Variants in ELP4 observed in about 807,000 individuals in gnomAD.
ELP4 encodes the protein elongator acetyltransferase complex subunit 4.
ELP4 carries 51 observed loss-of-function variants against 48.9 expected under a neutral mutation model. The ratio of observed to expected loss-of-function variants is 1.04; its 90% confidence interval spans 0.83 to 1.32. The LOEUF (loss-of-function observed/expected upper bound fraction) is 1.32, where lower values mean the gene tolerates loss of function less well. Ranked by LOEUF, ELP4 falls within the 40% of genes most tolerant of loss-of-function variation. The pLI is 0.00. For missense variants in ELP4, 519 were observed against 514.6 expected (o/e 1.01, Z -0.08); for synonymous variants, 210 against 189.2 (o/e 1.11, Z -0.90).
chr11:31,593,541 C>T (rs1251994506), intron 3 of ELP4, among the ~76,000 whole-genome samples: 2 of 152,122 alleles, frequency 1.3e-5, no homozygotes, highest in African/African-American at 4.8e-5. Flanking sequence ...ACACTGCACG[C>T]AGCCTGAAGT....
chr11:31,666,426 G>A (rs999157794), intron 9 of ELP4, among the ~76,000 whole-genome samples: 2 of 152,048 alleles, frequency 1.3e-5, no homozygotes, highest in Admixed American at 6.5e-5. Context: ...GGGTGCAGTC[G>A]CTCACGCCTG....
intron 9 of ELP4, among the ~76,000 whole-genome samples, chr11:31,758,735 C>A (rs993998085): frequency 6.7e-6 from 1 of 149,562 alleles, no homozygotes; most frequent in African/African-American, 2.5e-5. Context: ...GGTGCAGTCA[C>A]AGCTCACAGC....
intron 9 of ELP4, among the ~76,000 whole-genome samples, chr11:31,725,297 G>A (rs1328598473): frequency 6.6e-6 from 1 of 152,146 alleles, no homozygotes; most frequent in African/African-American, 2.4e-5. Flanking sequence ...GCCTCTTGCT[G>A]ATGGATTCCC....
In ELP4 at chr11:31,789,912, C is replaced by CTTTTTTTT. The variant is rs759391101; in HGVS notation, c.*6404_*6411dup. 169 of 1,046,390 alleles carry CTTTTTTTT rather than the reference C, an allele frequency of 1.6e-4. No individual in the cohort carries two copies. Among genetic ancestry groups the CTTTTTTTT allele is most frequent in the East Asian group, 5.4e-4 (21 of 38,832 alleles). 64.8% of individuals were successfully genotyped at this position (1,046,390 alleles called of 1,614,324 possible). On this transcript the variant is annotated 3_prime_UTR_variant, in exon 10 of 10. Coordinates refer to ENST00000640961, the MANE Select transcript of ELP4 (RefSeq NM_019040.5). ...CTGAATTAACACAATATTTCCTTTC[C>CTTTTTTTT]TTTTTTTTTTTTTTTTTTTTTTTAC...
intron 3 of ELP4, among the ~76,000 whole-genome samples, chr11:31,572,199 A>G (rs1475043711): frequency 6.6e-6 from 1 of 152,212 alleles, no homozygotes; most frequent in Non-Finnish European, 1.5e-5. Flanking sequence ...TGCAGTTTCA[A>G]CTTCAAGAAT....
chr11:31,571,581 T>G (rs1198319215), intron 3 of ELP4, among the ~76,000 whole-genome samples: 1 of 152,240 alleles, frequency 6.6e-6, no homozygotes, highest in East Asian at 1.9e-4. Flanking sequence ...GTTTTCAATT[T>G]ACTTTGCCCA....
intron 9 of ELP4, among the ~76,000 whole-genome samples, chr11:31,762,870 A>G (rs916579733): frequency 1.1e-4 from 16 of 151,738 alleles, no homozygotes; most frequent in Non-Finnish European, 2.1e-4. Context: ...TCAGTGTGCA[A>G]TATAATATAA....
chr11:31,687,670 A>G (rs1468403293), intron 9 of ELP4: 2 of 152,202 alleles, frequency 1.3e-5, no homozygotes, highest in African/African-American at 2.4e-5. Context: ...GATTCTTGAG[A>G]ATGAAAGAAA....
chr11:31,614,614 G>C (rs1220343636), intron 5 of ELP4, among the ~76,000 whole-genome samples: 1 of 152,184 alleles, frequency 6.6e-6, no homozygotes, highest in Non-Finnish European at 1.5e-5. Flanking sequence ...TTTTACAGTG[G>C]AGAAGACTAG....
At chr11:31,542,796 A>G (rs1956613779) in intron 3 of ELP4, among the ~76,000 whole-genome samples, 1 of 152,200 alleles carries the variant, frequency 6.6e-6, no homozygotes, top group African/African-American at 2.4e-5. Context: ...AAGAAATAAG[A>G]AAGTACAATT....
chr11:31,748,450 G>C (rs1947646977), intron 9 of ELP4, among the ~76,000 whole-genome samples: 2 of 152,026 alleles, frequency 1.3e-5, no homozygotes, highest in South Asian at 2.1e-4. Context: ...TCACCATGTT[G>C]ACCAGGCTGG....
intron 3 of ELP4, among the ~76,000 whole-genome samples, chr11:31,570,790 CT>C (rs1183889559): frequency 0.012 from 1,037 of 86,082 alleles, no homozygotes; most frequent in South Asian, 0.016. Context: ...ACTGTAAACT[CT>C]TTTTTTTTTT....
At chr11:31,527,595 T>C (rs1043609936) in intron 2 of ELP4, among the ~76,000 whole-genome samples, 5 of 152,098 alleles carry the variant, frequency 3.3e-5, no homozygotes, top group Admixed American at 6.5e-5. Flanking sequence ...TAAATCCTAA[T>C]GACTTTTATC....
At position 31,710,624 on chromosome 11, in the gene ELP4, G is replaced by GA. The variant is rs757991878; in HGVS notation, c.1143+60418dup. On this transcript the variant is annotated intron_variant, in intron 9 of 9. Coordinates refer to ENST00000640961, the MANE Select transcript of ELP4 (RefSeq NM_019040.5). ...TAGGTGACAGACAGAGACCCCATCT[G>GA]AAAAAAAAAAAAAAAGATATGAAAT... 4.1e-3 allele frequency among the ~76,000 whole-genome samples: 447 copies of GA among 109,998 alleles called. 1 individual carries two copies. The highest frequency in any genetic ancestry group is 8.8e-3 in the Middle Eastern group (2 of 228). The allele number at this position is 109,998 out of a possible 152,430, so 72.2% of individuals were successfully genotyped here. A position where few individuals can be genotyped will look rare whatever the true frequency, so the allele number is the denominator to read the frequency against.
chr11:31,747,230 T>C (rs1234234309), intron 9 of ELP4, among the ~76,000 whole-genome samples: 1 of 152,208 alleles, frequency 6.6e-6, no homozygotes, highest in Non-Finnish European at 1.5e-5. Flanking sequence ...AGTCCTTGTG[T>C]TTTAACTTTT....
At chr11:31,536,136 C>A (rs1352633787) in intron 2 of ELP4, among the ~76,000 whole-genome samples, 1 of 151,914 alleles carries the variant, frequency 6.6e-6, no homozygotes, top group Admixed American at 6.6e-5. Context: ...AGGAATATAT[C>A]ATTTGTTTTC....
chr11:31,557,817 G>C (rs531567914), intron 3 of ELP4, among the ~76,000 whole-genome samples: 2 of 151,948 alleles, frequency 1.3e-5, no homozygotes, highest in Non-Finnish European at 2.9e-5. Flanking sequence ...CTGACCGTTG[G>C]TATCAGTCTT....
At chr11:31,682,171 G>A (rs886497512) in intron 9 of ELP4, 3 of 982,768 alleles carry the variant, frequency 3.1e-6, no homozygotes, top group African/African-American at 3.6e-5. Flanking sequence ...AAATCTAAGA[G>A]AGATTTAAGT....
intron 9 of ELP4, among the ~76,000 whole-genome samples, chr11:31,749,599 T>C (rs1188924013): frequency 6.6e-6 from 1 of 152,192 alleles, no homozygotes; most frequent in Non-Finnish European, 1.5e-5. Flanking sequence ...ATGTATACTA[T>C]ATCATTGGAA....
Sources: allele counts gnomAD v4.1 joint callset (sites outside exome capture counted in the v4.1 genomes callset), GRCh38; gene constraint gnomAD v4.1.1; transcripts MANE v1.5; gene names NCBI Gene and HGNC (gene_info 2026-07-23, HGNC 2026-07-21).